Variants in PTPRG observed in about 807,000 individuals in gnomAD.
The protein encoded by PTPRG is protein tyrosine phosphatase receptor type G.
A neutral mutation model predicts 165.3 loss-of-function variants in PTPRG; 102 were observed. The observed-to-expected ratio is 0.62, with a 90% CI of 0.53 to 0.73. The LOEUF is 0.73. Ranked by LOEUF, PTPRG falls within the 30% of genes least tolerant of loss-of-function variation. The pLI is 0.00. For missense variants in PTPRG, 1,866 were observed against 1,861.4 expected, an observed-to-expected ratio of 1.00 and a Z score of -0.05; for synonymous variants, 675 against 669.5, an observed-to-expected ratio of 1.01 and a Z score of -0.13.
chr3:61,624,026 A>G (rs1701538348), intron 1 of PTPRG, among the ~76,000 whole-genome samples: 2 of 152,160 alleles, frequency 1.3e-5, no homozygotes, highest in African/African-American at 4.8e-5. Flanking sequence ...ACCCCTAAAG[A>G]GCAGCCACTG....
intron 8 of PTPRG, among the ~76,000 whole-genome samples, chr3:62,168,662 G>A (rs1048783571): frequency 3.9e-5 from 6 of 152,210 alleles, no homozygotes; most frequent in Non-Finnish European, 8.8e-5. Flanking sequence ...ATGGGCAGGT[G>A]CAGGAGCCAG....
At chr3:62,243,685 A>C (rs901150883) in intron 14 of PTPRG, 122 bp from the exon 15 acceptor site, 3 of 591,940 alleles carry the variant, frequency 5.1e-6, no homozygotes, top group Admixed American at 7.2e-5. Flanking sequence ...CTTTTACATG[A>C]GTTTACCCTC....
intron 7 of PTPRG, among the ~76,000 whole-genome samples, chr3:62,167,332 A>G (rs1206556577): frequency 1.1e-4 from 16 of 152,176 alleles, no homozygotes; most frequent in Admixed American, 1.0e-3. Context: ...GACTTTGCCA[A>G]ACTTGATCAC....
Position 61,607,746 on chromosome 3 carries a change from G to C in PTPRG, c.85+45374G>C, listed in dbSNP as rs76318442. Among the ~76,000 whole-genome samples the C allele has an allele frequency of 4.5e-3, 690 of 152,234 alleles. 4 individuals carry two copies. The highest frequency in any genetic ancestry group is 0.014 in the African/African-American group (579 of 41,550). On this transcript the variant is annotated intron_variant, in intron 1 of 29. Coordinates refer to ENST00000474889, the MANE Select transcript of PTPRG (RefSeq NM_002841.4). ...GTTTGAGGGCCCACTTTCTTCAGTG[G>C]GTCTCTGTGATGGCTGAAACGGGTT... is the stretch of plus-strand genomic sequence containing the variant.
intron 23 of PTPRG, among the ~76,000 whole-genome samples, chr3:62,275,532 C>T (rs1468768348): frequency 5.3e-5 from 8 of 152,152 alleles, no homozygotes; most frequent in African/African-American, 1.4e-4. Context: ...TTCTCTGGGG[C>T]TGGGCATGGT....
rs369117060 is a variant in PTPRG, at chr3:61,888,327, T to TTTTTTTTTTG, written c.191-101295_191-101294insTTTTTTGTTT. Among the ~76,000 whole-genome samples, 593 of 110,640 alleles carry TTTTTTTTTTG rather than the reference T, an allele frequency of 5.4e-3. 2 individuals carry two copies. Among genetic ancestry groups the TTTTTTTTTTG allele is most frequent in the African/African-American group, 0.042 (574 of 13,696 alleles). 72.6% of individuals were successfully genotyped at this position (110,640 alleles called of 152,430 possible). ...CTGTTCTAGGAAAATGGGTTGTTTT[T>TTTTTTTTTTG]TTTGTTTGTTTGTTTGTTGTTTTTG... On this transcript the variant is annotated intron_variant, in intron 2 of 29. Transcript: ENST00000474889.
chr3:62,219,043 C>T lies in PTPRG; in HGVS notation c.2288+60C>T. 6.3e-7 allele frequency: 1 copy of T among 1,593,092 alleles called. No individual in the cohort carries two copies. The highest frequency in any genetic ancestry group is 8.6e-7 in the Non-Finnish European group (1 of 1,168,346). ...GGCCAGATGCTGGCCAGGTTTTGCT[C>T]ACGGGAGGGGAATCCCACGGCCTCT... On this transcript the variant is annotated intron_variant, in intron 13 of 29. Coordinates refer to ENST00000474889, the MANE Select transcript of PTPRG (RefSeq NM_002841.4). The surrounding 1 kb of genome is among the most constrained non-coding windows in gnomAD (Gnocchi z 4.5).
At chr3:62,181,906 T>C (rs1176863391) in intron 8 of PTPRG, among the ~76,000 whole-genome samples, 1 of 152,116 alleles carries the variant, frequency 6.6e-6, no homozygotes, top group African/African-American at 2.4e-5. Flanking sequence ...GAGATTGGAG[T>C]GTCCACACAA....
chr3:61,961,530 A>G lies in PTPRG; in HGVS notation c.191-28095A>G, dbSNP rs372034404. 3.3e-5 allele frequency among the ~76,000 whole-genome samples: 5 copies of G among 152,118 alleles called. No homozygotes were observed. The South Asian group carries it at 6.2e-4, about 19-fold the overall frequency. On this transcript the variant is annotated intron_variant, in intron 2 of 29. Transcript: ENST00000474889. ...TGCTCTGTTTGGTCCCCTAAATAAGAAAGTTTAGGCACATCATTCCTCAAA... is the reference window on the plus strand; with the variant it reads ...TGCTCTGTTTGGTCCCCTAAATAAGGAAGTTTAGGCACATCATTCCTCAAA...
intron 2 of PTPRG, among the ~76,000 whole-genome samples, chr3:61,953,599 G>T (rs975873500): frequency 1.3e-5 from 2 of 152,068 alleles, no homozygotes; most frequent in Admixed American, 1.3e-4. Context: ...TATGGGGAGG[G>T]GAGACTCTTC....
At position 62,273,629 on chromosome 3, in the gene PTPRG, G is replaced by C; in HGVS notation, c.3319-69G>C. ...CTGTTAGCAGCAGAATTAAACTAAGGTACACTTCATGAATGAGTGGCTAAC... is the reference window on the plus strand; with the variant it reads ...CTGTTAGCAGCAGAATTAAACTAAGCTACACTTCATGAATGAGTGGCTAAC... On this transcript the variant is annotated intron_variant, in intron 22 of 29. Transcript: ENST00000474889. The surrounding 1 kb of genome is among the most constrained non-coding windows in gnomAD (Gnocchi z 4.1). 1 of 1,500,226 alleles carries C rather than the reference G, an allele frequency of 6.7e-7. No homozygotes were observed. The highest frequency in any genetic ancestry group is 1.2e-5 in the South Asian group (1 of 85,500). 92.9% of individuals were successfully genotyped at this position (1,500,226 alleles called of 1,614,324 possible).
intron 7 of PTPRG, 24 bp downstream of exon 7, chr3:62,157,248 G>A: frequency 6.2e-7 from 1 of 1,607,006 alleles, no homozygotes; most frequent in Non-Finnish European, 8.5e-7. Flanking sequence ...CTCAAGTGGG[G>A]TTTCTGTGTT....
At chr3:62,084,704 T>C (rs1370844144) in intron 5 of PTPRG, among the ~76,000 whole-genome samples, 1 of 152,194 alleles carries the variant, frequency 6.6e-6, no homozygotes, top group Non-Finnish European at 1.5e-5. Context: ...CTTCCCTGCA[T>C]TTCACCTTCC....
chr3:62,123,498 G>C (rs1441507637), intron 5 of PTPRG, among the ~76,000 whole-genome samples: 6 of 152,122 alleles, frequency 3.9e-5, no homozygotes, highest in Non-Finnish European at 1.5e-5. Flanking sequence ...TTTGGGTTCA[G>C]TTATAACATA....
intron 4 of PTPRG, 92 bp downstream of exon 4, chr3:62,003,589 C>T (rs1444312192): frequency 5.3e-6 from 8 of 1,502,108 alleles, no homozygotes; most frequent in Non-Finnish European, 7.2e-6. Context: ...TTTTGCAAAT[C>T]ACAGCTGTAC....
intron 1 of PTPRG, among the ~76,000 whole-genome samples, chr3:61,725,166 G>A (rs2032205458): frequency 6.6e-6 from 1 of 152,044 alleles, no homozygotes; most frequent in African/African-American, 2.4e-5. Context: ...TGAGATTTAC[G>A]TTGAGATACG....
intron 2 of PTPRG, among the ~76,000 whole-genome samples, chr3:61,948,503 C>A (rs1046277363): frequency 6.6e-5 from 10 of 152,110 alleles, no homozygotes; most frequent in Admixed American, 5.9e-4. Flanking sequence ...AAACATTTTT[C>A]ATGCTAGTGT....
intron 10 of PTPRG, among the ~76,000 whole-genome samples, chr3:62,200,036 G>A (rs538748925): frequency 5.0e-4 from 76 of 152,268 alleles, no homozygotes; most frequent in African/African-American, 1.8e-3. Flanking sequence ...CTTATATGAA[G>A]TATCCGGAGC....
rs1417881681 is a variant in PTPRG, at chr3:62,178,875, T to C, written c.1033+10712T>C. Among the ~76,000 whole-genome samples the C allele has an allele frequency of 2.0e-5, 3 of 152,220 alleles. No individual in the cohort carries two copies. The East Asian group carries it at 5.8e-4, about 29-fold the overall frequency. ...TTTACTTGTGTGGGCACCATGGTGC[T>C]TGTGAACAGCAATCTGGAAATTAAT... On this transcript the variant is annotated intron_variant, in intron 8 of 29. Transcript: ENST00000474889.
Sources: allele counts gnomAD v4.1 joint callset (sites outside exome capture counted in the v4.1 genomes callset), GRCh38; gene constraint gnomAD v4.1.1; non-coding constraint Gnocchi (gnomAD v3.1); transcripts MANE v1.5; gene names NCBI Gene and HGNC (gene_info 2026-07-23, HGNC 2026-07-21).